Variants in RHBDL3 observed in about 807,000 individuals in gnomAD.
RHBDL3 encodes rhomboid-related protein 3.
In RHBDL3, 28 loss-of-function variants were observed where a neutral mutation model predicts 48.2. The ratio of observed to expected loss-of-function variants is 0.58; its 90% CI spans 0.43 to 0.80. RHBDL3 has a LOEUF of 0.80. Among genes scored for constraint, RHBDL3 ranks in the 30% least tolerant of loss-of-function variants. The pLI is 0.00. For missense variants in RHBDL3, 464 were observed against 542.7 expected (o/e 0.85, Z 1.44); for synonymous variants, 208 against 232.3 (o/e 0.90, Z 0.95).
chr17:32,268,820 T>C (rs12453610), intron 2 of RHBDL3, among the ~76,000 whole-genome samples: 83,688 of 151,950 alleles, frequency 0.55, 25,900 homozygotes, highest in African/African-American at 0.85. Context: ...AGGGTTGTTA[T>C]GTGATCCAAG....
rs1476648259 is a variant in RHBDL3, at chr17:32,276,793, C to A, written c.136-7866C>A. On this transcript the variant is annotated intron_variant, in intron 2 of 8. Coordinates refer to ENST00000269051, the MANE Select transcript of RHBDL3 (RefSeq NM_138328.3). ...CCCTAGCACCTTACTCCGGCCCTAG[C>A]ACCTTACTCCGGCCCTAGCACAGTA... is the stretch of plus-strand genomic sequence containing the variant. Among the ~76,000 whole-genome samples the A allele has an allele frequency of 1.3e-4, 13 of 103,472 alleles. No individual in the cohort carries two copies. The South Asian group carries it at 4.0e-3, about 32-fold the overall frequency. 67.9% of individuals were successfully genotyped at this position (103,472 alleles called of 152,430 possible). A position where few individuals can be genotyped will look rare whatever the true frequency, so the allele number is the denominator to read the frequency against.
intron 6 of RHBDL3, 64 bp from the exon 7 acceptor site, chr17:32,305,277 T>C: frequency 9.2e-7 from 1 of 1,087,734 alleles, no homozygotes; most frequent in Non-Finnish European, 1.4e-6. Context: ...ATCCAAGGCC[T>C]GGGGCTGGGT....
intron 3 of RHBDL3, chr17:32,288,176 G>C (rs1459012540): frequency 6.6e-6 from 1 of 152,514 alleles, no homozygotes; most frequent in Non-Finnish European, 1.5e-5. Context: ...TAGCGTGTCT[G>C]AGGGTGCTAC....
chr17:32,281,745 G>C (rs1174949368), intron 2 of RHBDL3, among the ~76,000 whole-genome samples: 1 of 152,220 alleles, frequency 6.6e-6, no homozygotes, highest in African/African-American at 2.4e-5. Context: ...AGCTGTTGCT[G>C]TCCGGGGCTG....
intron 1 of RHBDL3, among the ~76,000 whole-genome samples, chr17:32,267,439 A>AGGGGGG (rs147012572): frequency 8.1e-5 from 11 of 135,554 alleles, no homozygotes; most frequent in African/African-American, 3.3e-4. Flanking sequence ...CTGGGGGGGG[A>AGGGGGG]GGGGGGGGCT....
intron 2 of RHBDL3, among the ~76,000 whole-genome samples, chr17:32,273,364 A>C (rs1321000944): frequency 1.3e-5 from 2 of 152,226 alleles, no homozygotes; most frequent in African/African-American, 4.8e-5. Flanking sequence ...CACTTGGTGC[A>C]ATACAGCCAG....
intron 7 of RHBDL3, among the ~76,000 whole-genome samples, chr17:32,314,602 G>A (rs1029481906): frequency 2.0e-5 from 3 of 152,170 alleles, no homozygotes; most frequent in African/African-American, 7.2e-5. Flanking sequence ...GGCTCCCAGG[G>A]AGACAGGGAG....
chr17:32,271,519 A>T, intron 2 of RHBDL3, among the ~76,000 whole-genome samples: 1 of 152,200 alleles, frequency 6.6e-6, no homozygotes, highest in Admixed American at 6.5e-5. Flanking sequence ...ATTCAAGGTC[A>T]AATATTTAGT....
At chr17:32,266,718 A>C (rs1184888309) in intron 1 of RHBDL3, among the ~76,000 whole-genome samples, 3 of 152,120 alleles carry the variant, frequency 2.0e-5, no homozygotes, top group Non-Finnish European at 4.4e-5. Context: ...GTCCCTGGCC[A>C]TGCAAGCCGG....
At chr17:32,277,218 C>A (rs1458348311) in intron 2 of RHBDL3, among the ~76,000 whole-genome samples, 27 of 152,224 alleles carry the variant, frequency 1.8e-4, no homozygotes, top group Non-Finnish European at 3.7e-4. Context: ...GGTCCAGGGC[C>A]TGTCTAGAGC....
chr17:32,288,740 A>C, intron 3 of RHBDL3, 52 bp from the exon 4 acceptor site: 1 of 1,386,268 alleles, frequency 7.2e-7, no homozygotes, highest in African/African-American at 1.4e-5. Context: ...GTGGGTGGGG[A>C]GCTCCGCTGG....
intron 8 of RHBDL3, among the ~76,000 whole-genome samples, chr17:32,319,211 A>G (rs1462426427): frequency 2.0e-5 from 3 of 151,992 alleles, no homozygotes; most frequent in East Asian, 3.9e-4. Flanking sequence ...TCACGAGGTC[A>G]GGAGATAGAG....
intron 7 of RHBDL3, among the ~76,000 whole-genome samples, chr17:32,314,434 C>T (rs1259505927): frequency 6.6e-6 from 1 of 152,004 alleles, no homozygotes; most frequent in African/African-American, 2.4e-5. Flanking sequence ...CCACCCGCCT[C>T]AGCCTCCCAA....
chr17:32,295,835 C>G lies in RHBDL3; in HGVS notation c.668+1393C>G, dbSNP rs141738251. ...GATTTAGTAATAGTCATGTTACAGTCTTTTCTGGTCACATGCACACAGCTA... is the reference window on the plus strand; with the variant it reads ...GATTTAGTAATAGTCATGTTACAGTGTTTTCTGGTCACATGCACACAGCTA... On this transcript the variant is annotated intron_variant, in intron 5 of 8. Transcript: ENST00000269051. Among the ~76,000 whole-genome samples, 456 of 152,318 alleles carry G rather than the reference C, an allele frequency of 3.0e-3. 2 individuals are homozygous for G. Among genetic ancestry groups the G allele is most frequent in the African/African-American group, 9.9e-3 (411 of 41,570 alleles).
At chr17:32,299,716 C>A (rs527725788) in intron 6 of RHBDL3, among the ~76,000 whole-genome samples, 1 of 152,282 alleles carries the variant, frequency 6.6e-6, no homozygotes, top group South Asian at 2.1e-4. Flanking sequence ...GTAGGTGTCA[C>A]CTCCCCAGTG....
intron 5 of RHBDL3, among the ~76,000 whole-genome samples, chr17:32,294,898 T>C (rs1303743740): frequency 6.6e-6 from 1 of 152,152 alleles, no homozygotes; most frequent in Non-Finnish European, 1.5e-5. Flanking sequence ...TAATTATAGT[T>C]TCTGTTTATA....
At chr17:32,314,483 G>A (rs897867012) in intron 7 of RHBDL3, among the ~76,000 whole-genome samples, 1 of 151,988 alleles carries the variant, frequency 6.6e-6, no homozygotes, top group African/African-American at 2.4e-5. Flanking sequence ...GCGCCCAGCC[G>A]GGTATCACCT....
Position 32,321,305 on chromosome 17 carries a change from C to T in RHBDL3, c.*76C>T. 1 of 1,600,864 alleles carries T rather than the reference C, an allele frequency of 6.2e-7. No homozygotes were observed. The highest frequency in any genetic ancestry group is 8.5e-7 in the Non-Finnish European group (1 of 1,175,832). On this transcript the variant is annotated 3_prime_UTR_variant, in exon 9 of 9. Coordinates refer to ENST00000269051, the MANE Select transcript of RHBDL3 (RefSeq NM_138328.3). ...GAGCGCCTGCGAGGTTTCTTCTCAT[C>T]ACCAGCTCAGCTAGGCCGGGCAGAC...
In RHBDL3 at chr17:32,305,414, C is replaced by T; in HGVS notation, c.855C>T (p.Val285=). 1 of 1,613,078 alleles carries T rather than the reference C, an allele frequency of 6.2e-7. No individual in the cohort carries two copies. Among genetic ancestry groups the T allele is most frequent in the Non-Finnish European group, 8.5e-7 (1 of 1,179,082 alleles). The change falls in exon 7 of 9, where the codon GTC becomes GTT. Residue 285 remains valine (V), a synonymous_variant. Coordinates refer to ENST00000269051, the MANE Select transcript of RHBDL3 (RefSeq NM_138328.3). The part of the protein sequence containing the change: ...VGSSGGVYAL[V]SAHLANIVMN... ...CTTCTGGAGGGGTGTATGCTCTCGT[C>T]TCTGCCCATCTGGCCAACATTGTCA...
Sources: gnomAD v4.1 joint callset for allele counts (sites outside exome capture counted in the v4.1 genomes callset) on GRCh38, gnomAD v4.1.1 for gene constraint, MANE v1.5 for transcripts, NCBI Gene and HGNC (gene_info 2026-07-23, HGNC 2026-07-21) for gene names.